TTN: variants seen among roughly 807,000 people sequenced by gnomAD.
The protein encoded by TTN is titin, also known as connectin.
In TTN, 1,525 loss-of-function variants were observed where a neutral mutation model predicts 3,223.0. That is an observed-to-expected ratio of 0.47 (90% CI 0.45 to 0.49). The LOEUF (loss-of-function observed/expected upper bound fraction) is 0.49, where lower values mean the gene tolerates loss of function less well. TTN is among the 20% of genes least tolerant of loss of function. The pLI, the probability that TTN is intolerant of heterozygous loss-of-function variation, is 0.00. For synonymous variants in TTN, 14,094 were observed against 15,161.0 expected (o/e 0.93, Z 5.17); for missense variants, 40,786 against 43,424.0 (o/e 0.94, Z 5.40).
In TTN at chr2:178,776,614, C is replaced by G. The variant is rs924534786; in HGVS notation, c.5250G>C (p.Arg1750Ser). The G allele has an allele frequency of 6.2e-7, 1 of 1,613,950 alleles. No individual in the cohort carries two copies. The highest frequency in any genetic ancestry group is 1.3e-5 in the African/African-American group (1 of 74,926). The change falls in exon 28 of 363, where the codon AGG (arginine) becomes AGC (serine). Residue 1750 changes from arginine (R) to serine (S), a missense_variant. Arg to Ser is a moderately radical substitution (Grantham distance 110). Coordinates refer to ENST00000589042, the MANE Select transcript of TTN (RefSeq NM_001267550.2). ...HDGKPLEAAN[R>S]LRMINEFGYC... is the part of the protein sequence containing the mutation. ...ACCCAAATTCATTGATCATACGGAGCCTGTTGGCTGCTTCAAGTGGCTTTC... is the reference window on the plus strand; with the variant it reads ...ACCCAAATTCATTGATCATACGGAGGCTGTTGGCTGCTTCAAGTGGCTTTC...
At chr2:178,756,852 A>T in intron 45 of TTN, 55 bp from the exon 46 acceptor site, 1 of 1,520,812 alleles carries the variant, frequency 6.6e-7, no homozygotes, top group Admixed American at 1.8e-5. Flanking sequence ...AAGCTTTGTC[A>T]CTTGCCCATG....
chr2:178,751,234 A>G (rs2085402461), intron 47 of TTN: 1 of 1,609,068 alleles, frequency 6.2e-7, no homozygotes, highest in African/African-American at 1.3e-5. Context: ...CAGAAGACGT[A>G]TCTAAAAGAG....
Position 178,584,516 on chromosome 2 carries a change from C to T in TTN, c.65035G>A (p.Ala21679Thr). 6.2e-7 allele frequency: 1 copy of T among 1,613,216 alleles called. No individual in the cohort carries two copies. The highest frequency in any genetic ancestry group is 8.5e-7 in the Non-Finnish European group (1 of 1,179,530). The change falls in exon 311 of 363, where the codon GCT becomes ACT. Residue 21679 changes from alanine to threonine, a missense_variant. Coordinates refer to ENST00000589042, the MANE Select transcript of TTN (RefSeq NM_001267550.2). ...CCATCACTATCTGGTCTGTCCCAAG[C>T]AACAAAAATACAGTCCTTGTTGACT... ...TKVNKDCIFV[A>T]WDRPDSDGGS...
At chr2:178,784,866 T>C (rs1007889702) in intron 15 of TTN, among the ~76,000 whole-genome samples, 4 of 152,250 alleles carry the variant, frequency 2.6e-5, no homozygotes, top group Admixed American at 6.5e-5. Flanking sequence ...TGTTGTGGTC[T>C]ATGGTTATTT....
At position 178,597,927 on chromosome 2, in the gene TTN, A is replaced by T. The variant is rs1185555417; in HGVS notation, c.57243T>A (p.Ile19081=). ...AATTACCAAGTCTGTCCTTCATTTC[A>T]ATGACATCTGTGACCTCTCCAGGTT... The part of the protein sequence containing the change: ...IGEPGEVTDV[I]EMKDRLVSPD... Residue 19081 remains isoleucine (I), a synonymous_variant, in exon 293 of 363, where the codon ATT becomes ATA. Transcript: ENST00000589042. 4.4e-5 allele frequency: 71 copies of T among 1,613,168 alleles called. No homozygotes were observed. The highest frequency in any genetic ancestry group is 5.9e-5 in the Non-Finnish European group (70 of 1,179,574).
Position 178,576,841 on chromosome 2 carries a change from A to T in TTN, c.69413-10T>A, listed in dbSNP as rs1304463140. On this transcript the variant is annotated splice_polypyrimidine_tract_variant and intron_variant, in intron 324 of 362. Transcript: ENST00000589042. The surrounding 1 kb of genome is among the most constrained non-coding windows in gnomAD (Gnocchi z 4.3). Reference sequence around the variant, plus strand: ...GGAGGGCCAGGGGGACCTGAAAAGGAAGCAAATTTATTAGAAATCCATGAT... The same window carrying T: ...GGAGGGCCAGGGGGACCTGAAAAGGTAGCAAATTTATTAGAAATCCATGAT... 6.2e-7 allele frequency: 1 copy of T among 1,601,710 alleles called. No individual in the cohort carries two copies.
rs1690910680 is a variant in TTN at position 178,535,251 on chromosome 2, T to C, written c.101364A>G (p.Arg33788=). 1.2e-6 allele frequency: 2 copies of C among 1,613,784 alleles called. No homozygotes were observed. The highest frequency in any genetic ancestry group is 1.7e-6 in the Non-Finnish European group (2 of 1,179,844). Residue 33788 remains arginine, a synonymous_variant, in exon 358 of 363, where the codon AGA becomes AGG. Coordinates refer to ENST00000589042, the MANE Select transcript of TTN (RefSeq NM_001267550.2). ...EPTITKEDKT[R]AMNYDEEVDE... is the part of the protein sequence containing the mutation. ...CTACCTCTTCATCATAGTTCATAGC[T>C]CTGGTCTTATCTTCTTTGGTTATGG...
chr2:178,701,402 G>T, intron 110 of TTN, 126 bp downstream of exon 110: 1 of 1,082,702 alleles, frequency 9.2e-7, no homozygotes, highest in Non-Finnish European at 1.3e-6. Context: ...GCTCACTGAA[G>T]AATATGACAT....
rs1690111134 is a variant in TTN, at chr2:178,533,553, TG to T, written c.103061del (p.Pro34354HisfsTer8). 2 of 1,613,796 alleles carry T rather than the reference TG, an allele frequency of 1.2e-6. No homozygotes were observed. The highest frequency in any genetic ancestry group is 1.7e-6 in the Non-Finnish European group (2 of 1,179,850). On this transcript the variant is annotated frameshift_variant, in exon 358 of 363. Transcript: ENST00000589042. LOFTEE classifies it high-confidence loss of function. ...GTCTTAAGGTACTATCTGTTGGAGG[TG>T]GGTGTAGGGTTACTGTCAGCTTTGC... ...CKAKLTVTLH[P>X]PPTDSTLRPM...
intron 47 of TTN, among the ~76,000 whole-genome samples, chr2:178,743,364 T>C (rs546415241): frequency 6.6e-6 from 1 of 152,126 alleles, no homozygotes; most frequent in South Asian, 2.1e-4. Flanking sequence ...TGGGGTTTTA[T>C]GTTACGTGCC....
intron 131 of TTN, 22 bp downstream of exon 131, chr2:178,684,644 T>C (rs2070353976): frequency 1.9e-6 from 3 of 1,597,748 alleles, no homozygotes; most frequent in Non-Finnish European, 1.7e-6. Flanking sequence ...TCCTAGTTTT[T>C]CTGCTGGGGA....
At position 178,570,266 on chromosome 2, in the gene TTN, T is replaced by C; in HGVS notation, c.75866A>G (p.Glu25289Gly). ...AACTACTGGCTCAGATTCAAGAGGTTCACCAACACCATATTTGTTTACTGC... is the reference window on the plus strand; with the variant it reads ...AACTACTGGCTCAGATTCAAGAGGTCCACCAACACCATATTTGTTTACTGC... ...IMAVNKYGVG[E>G]PLESEPVVAK... Residue 25289 changes from glutamate to glycine, a missense_variant, in exon 326 of 363, where the codon GAA (glutamate) becomes GGA (glycine). Coordinates refer to ENST00000589042, the MANE Select transcript of TTN (RefSeq NM_001267550.2). 1 of 1,613,412 alleles carries C rather than the reference T, an allele frequency of 6.2e-7. No homozygotes were observed. The highest frequency in any genetic ancestry group is 8.5e-7 in the Non-Finnish European group (1 of 1,179,618).
At position 178,557,913 on chromosome 2, in the gene TTN, A is replaced by G; in HGVS notation, c.87441T>C (p.Ile29147=). The G allele has an allele frequency of 3.1e-6, 5 of 1,613,470 alleles. No homozygotes were observed. The highest frequency in any genetic ancestry group is 4.2e-6 in the Non-Finnish European group (5 of 1,179,842). Residue 29147 remains isoleucine, a synonymous_variant, in exon 328 of 363, where the codon ATT becomes ATC. Transcript: ENST00000589042. ...RPGPPTGPVV[I]SDITEESVTL... is the part of the protein sequence containing the mutation. The stretch of plus-strand genomic sequence containing the variant: ...TCACACTTTCTTCAGTTATATCACT[A>G]ATAACAACAGGGCCAGTTGGAGGAC...
At chr2:178,628,264 T>C (rs1320964249) in intron 240 of TTN, among the ~76,000 whole-genome samples, 1 of 152,126 alleles carries the variant, frequency 6.6e-6, no homozygotes, top group African/African-American at 2.4e-5. Context: ...AATACTTCAG[T>C]CAATGCTGTG....
Position 178,591,380 on chromosome 2 carries a change from A to G in TTN, c.60345T>C (p.Asp20115=), listed in dbSNP as rs376618165. ...GCTCATCGGTTTTAATCTCACTCCCATCGGTTGTCCACTTTGCAGTAGGAA... is the reference window on the plus strand; with the variant it reads ...GCTCATCGGTTTTAATCTCACTCCCGTCGGTTGTCCACTTTGCAGTAGGAA... ...VPVPTAKWTT[D]GSEIKTDEHY... Residue 20115 remains aspartate (D), a synonymous_variant, in exon 304 of 363, where the codon GAT becomes GAC. Transcript: ENST00000589042. 4 of 1,613,210 alleles carry G rather than the reference A, an allele frequency of 2.5e-6. No individual in the cohort carries two copies. Among genetic ancestry groups the G allele is most frequent in the Non-Finnish European group, 1.7e-6 (2 of 1,179,448 alleles).
chr2:178,664,053 A>G lies in TTN; in HGVS notation c.36326T>C (p.Val12109Ala). 1 of 1,613,288 alleles carries G rather than the reference A, an allele frequency of 6.2e-7. No individual in the cohort carries two copies. Residue 12109 changes from valine to alanine, a missense_variant, in exon 169 of 363, where the codon GTG becomes GCG. Val to Ala is a moderately conservative substitution (Grantham distance 64, BLOSUM62 0). Coordinates refer to ENST00000589042, the MANE Select transcript of TTN (RefSeq NM_001267550.2). ...KEIIPEKKVS[V>A]VPPKKPEVPP... ...GACTTCAGGCTTTTTAGGAGGCACC[A>G]CCGACACTTTCTTTTCAGGGATAAT...
chr2:178,733,807 T>G lies in TTN; in HGVS notation c.15582A>C (p.Ser5194=). 1 of 1,613,846 alleles carries G rather than the reference T, an allele frequency of 6.2e-7. No homozygotes were observed. Among genetic ancestry groups the G allele is most frequent in the Non-Finnish European group, 8.5e-7 (1 of 1,179,760 alleles). Residue 5194 remains serine, a synonymous_variant, in exon 53 of 363, where the codon TCA becomes TCC. Coordinates refer to ENST00000589042, the MANE Select transcript of TTN (RefSeq NM_001267550.2). ...TVTLQAAVRG[S]EPISVTWMKG... is the part of the protein sequence containing the mutation. The stretch of plus-strand genomic sequence containing the variant: ...TCATCCATGTGACAGAAATGGGCTC[T>G]GACCCTCTCACAGCAGCTTGCAGGG...
Position 178,529,218 on chromosome 2 carries a change from A to G in TTN, c.106533T>C (p.Ala35511=). Residue 35511 remains alanine, a splice_region_variant and synonymous_variant, in exon 360 of 363, where the codon GCT becomes GCC. Coordinates refer to ENST00000589042, the MANE Select transcript of TTN (RefSeq NM_001267550.2). ...CTTTCTGTGCCTCAGTATCTTTTAT[A>G]GCTAAAAAAGAAACCTCTGTAAGGC... ...VSSSCKLTIK[A]IKDTEAQKVS... 6.8e-7 allele frequency: 1 copy of G among 1,461,492 alleles called. No individual in the cohort carries two copies. The highest frequency in any genetic ancestry group is 2.4e-5 in the East Asian group (1 of 41,978). The allele number at this position is 1,461,492 out of a possible 1,614,324, so 90.5% of individuals were successfully genotyped here. A position where few individuals can be genotyped will look rare whatever the true frequency, so the allele number is the denominator to read the frequency against.
At chr2:178,652,957 T>C (rs752555347) in intron 199 of TTN, 26 bp from the exon 200 acceptor site, 68 of 1,601,572 alleles carry the variant, frequency 4.2e-5, no homozygotes, top group Non-Finnish European at 5.3e-5. Context: ...TGAAATTACA[T>C]TTAGAAGTTT....
Sources: allele counts gnomAD v4.1 joint callset (sites outside exome capture counted in the v4.1 genomes callset), GRCh38; gene constraint gnomAD v4.1.1; non-coding constraint Gnocchi (gnomAD v3.1); transcripts MANE v1.5; gene names NCBI Gene and HGNC (gene_info 2026-07-23, HGNC 2026-07-21).